Variants in SOAT2 observed in about 807,000 individuals in gnomAD.
SOAT2 encodes the protein ACAT-2.
Under a neutral mutation model 76.0 loss-of-function variants are expected in SOAT2, and 87 were observed. That is an observed-to-expected ratio of 1.14 (90% confidence interval 0.96 to 1.37). SOAT2 has a LOEUF of 1.37. SOAT2 is among the 40% of genes most tolerant of loss of function. The pLI is 0.00. For synonymous variants in SOAT2, 285 were observed against 275.4 expected (o/e 1.03, Z -0.34); for missense variants, 686 against 682.1 (o/e 1.01, Z -0.06).
At chr12:53,108,097 T>G (rs922293982) in intron 5 of SOAT2, among the ~76,000 whole-genome samples, 1 of 152,222 alleles carries the variant, frequency 6.6e-6, no homozygotes, top group Non-Finnish European at 1.5e-5. Context: ...CTTCGTTCCA[T>G]AGAAGGAATC....
At position 53,124,129 on chromosome 12, in the gene SOAT2, G is replaced by T. The variant is rs761265439; in HGVS notation, c.*6G>T. On this transcript the variant is annotated 3_prime_UTR_variant, in exon 15 of 15. Transcript: ENST00000301466. ...CTTGGTCCTGCCATACCTAGAGGTC[G>T]GGACAGACGACGCTACCTGCCCAGA... is the stretch of plus-strand genomic sequence containing the variant. 6.2e-7 allele frequency: 1 copy of T among 1,613,998 alleles called. No individual in the cohort carries two copies. The highest frequency in any genetic ancestry group is 8.5e-7 in the Non-Finnish European group (1 of 1,180,008).
chr12:53,121,441 A>C (rs1938187851), intron 12 of SOAT2, 40 bp downstream of exon 12: 1 of 1,501,824 alleles, frequency 6.7e-7, no homozygotes, highest in South Asian at 1.1e-5. Context: ...CACAGTTAAT[A>C]GGGGCTCTCC....
At position 53,103,557 on chromosome 12, in the gene SOAT2, C is replaced by T. The variant is rs772836324; in HGVS notation, c.-21C>T. The T allele has an allele frequency of 6.5e-7, 1 of 1,543,304 alleles. No individual in the cohort carries two copies. The highest frequency in any genetic ancestry group is 1.2e-5 in the South Asian group (1 of 84,012). ...AGGCAACACGGGCAAGGGCTGCCTGCTGCCCGCTGGAGACCGCACCATGGA... is the reference window on the plus strand; with the variant it reads ...AGGCAACACGGGCAAGGGCTGCCTGTTGCCCGCTGGAGACCGCACCATGGA... On this transcript the variant is annotated 5_prime_UTR_variant, in exon 1 of 15. Coordinates refer to ENST00000301466, the MANE Select transcript of SOAT2 (RefSeq NM_003578.4).
rs1210135890 is a variant in SOAT2 at position 53,103,558 on chromosome 12, T to C, written c.-20T>C. The C allele has an allele frequency of 1.9e-6, 3 of 1,543,874 alleles. No homozygotes were observed. Among genetic ancestry groups the C allele is most frequent in the Non-Finnish European group, 2.6e-6 (3 of 1,146,400 alleles). ...GGCAACACGGGCAAGGGCTGCCTGC[T>C]GCCCGCTGGAGACCGCACCATGGAG... On this transcript the variant is annotated 5_prime_UTR_variant, in exon 1 of 15. Coordinates refer to ENST00000301466, the MANE Select transcript of SOAT2 (RefSeq NM_003578.4).
chr12:53,118,202 C>T (rs944909867), intron 7 of SOAT2, 148 bp from the exon 8 acceptor site: 2 of 627,352 alleles, frequency 3.2e-6, no homozygotes, highest in Admixed American at 2.7e-5. Context: ...AGCCCGCATC[C>T]AGGTCCTACG....
rs1303838303 is a variant in SOAT2, at chr12:53,107,622, C to CTTTTTTTTTTTTTTTTTTTTT, written c.443+1626_443+1627insTTTTTTTTTTTTTTTTTTTTT. 6.2e-4 allele frequency among the ~76,000 whole-genome samples: 73 copies of CTTTTTTTTTTTTTTTTTTTTT among 117,002 alleles called. 16 individuals carry two copies. The highest frequency in any genetic ancestry group is 2.6e-3 in the African/African-American group (70 of 27,190). The allele number at this position is 117,002 out of a possible 152,430, so 76.8% of individuals were successfully genotyped here. A position where few individuals can be genotyped will look rare whatever the true frequency, so the allele number is the denominator to read the frequency against. Reference sequence around the variant, plus strand: ...AGACTAGAATTTAACAACAGATGTACTTTTTTTTTTTTTTTTTTGAGACAG... The same window carrying CTTTTTTTTTTTTTTTTTTTTT: ...AGACTAGAATTTAACAACAGATGTACTTTTTTTTTTTTTTTTTTTTTTTTTTTTTTTTTTTTTTTGAGACAG... On this transcript the variant is annotated intron_variant, in intron 5 of 14. Coordinates refer to ENST00000301466, the MANE Select transcript of SOAT2 (RefSeq NM_003578.4).
At chr12:53,113,077 C>A (rs1938048621) in intron 5 of SOAT2, among the ~76,000 whole-genome samples, 2 of 152,036 alleles carry the variant, frequency 1.3e-5, no homozygotes, top group Non-Finnish European at 2.9e-5. Flanking sequence ...CCAGCCAATA[C>A]CTCCTATTTT....
chr12:53,105,698 C>G (rs1288738448), intron 4 of SOAT2, 78 bp downstream of exon 4: 1 of 1,313,810 alleles, frequency 7.6e-7, no homozygotes, highest in South Asian at 1.3e-5. Flanking sequence ...ATTTCTCATC[C>G]CCAGCCTCTA....
chr12:53,117,889 A>G (rs1938130838), intron 7 of SOAT2, among the ~76,000 whole-genome samples: 1 of 152,224 alleles, frequency 6.6e-6, no homozygotes, highest in African/African-American at 2.4e-5. Context: ...AAAATGTGAC[A>G]CAGTGGCATG....
intron 5 of SOAT2, among the ~76,000 whole-genome samples, chr12:53,108,315 T>C (rs531896013): frequency 2.0e-5 from 3 of 152,350 alleles, no homozygotes; most frequent in Admixed American, 1.3e-4. Context: ...AAGGGCTTTA[T>C]TGGCTTCATA....
At chr12:53,118,206 T>G in intron 7 of SOAT2, 144 bp from the exon 8 acceptor site, 1 of 628,766 alleles carries the variant, frequency 1.6e-6, no homozygotes. Context: ...CGCATCCAGG[T>G]CCTACGTCCA....
At chr12:53,118,709 A>T (rs1458952580) in intron 8 of SOAT2, among the ~76,000 whole-genome samples, 181 bp from the exon 9 acceptor site, 1 of 151,726 alleles carries the variant, frequency 6.6e-6, no homozygotes, top group East Asian at 1.9e-4. Flanking sequence ...CATGCTTAAA[A>T]CCCACTTGTT....
intron 10 of SOAT2, 140 bp downstream of exon 10, chr12:53,119,393 C>A: frequency 1.1e-6 from 1 of 909,578 alleles, no homozygotes; most frequent in Admixed American, 2.6e-5. Context: ...CTATCAGGGC[C>A]ATTGCCATGG....
At chr12:53,120,913 C>A (rs1334133524) in intron 11 of SOAT2, 30 bp downstream of exon 11, 1 of 1,553,766 alleles carries the variant, frequency 6.4e-7, no homozygotes, top group South Asian at 1.1e-5. Flanking sequence ...CAGTTGGAAG[C>A]TGGAGATAGG....
intron 5 of SOAT2, among the ~76,000 whole-genome samples, chr12:53,107,428 C>T (rs991215599): frequency 6.6e-6 from 1 of 151,892 alleles, no homozygotes; most frequent in Non-Finnish European, 1.5e-5. Flanking sequence ...GTTTGCAGGG[C>T]TTTAAGAAAG....
At position 53,124,170 on chromosome 12, in the gene SOAT2, T is replaced by G; in HGVS notation, c.*47T>G. The G allele has an allele frequency of 6.2e-7, 1 of 1,607,630 alleles. No individual in the cohort carries two copies. Among genetic ancestry groups the G allele is most frequent in the Non-Finnish European group, 8.5e-7 (1 of 1,174,232 alleles). On this transcript the variant is annotated 3_prime_UTR_variant, in exon 15 of 15. Coordinates refer to ENST00000301466, the MANE Select transcript of SOAT2 (RefSeq NM_003578.4). ...CCTGCCCAGACACCACCAAGTTCTC[T>G]GCCTGCAAAACCTGGGACCAGGACT... is the stretch of plus-strand genomic sequence containing the variant.
rs771080176 is a variant in SOAT2 at position 53,118,898 on chromosome 12, A to G, written c.872A>G (p.Tyr291Cys). 3.7e-6 allele frequency: 6 copies of G among 1,614,006 alleles called. No homozygotes were observed. In the South Asian group the frequency reaches 4.4e-5, roughly 12 times the overall value. Residue 291 changes from tyrosine (Y) to cysteine (C), a missense_variant, in exon 9 of 15, where the codon TAT becomes TGT. Coordinates refer to ENST00000301466, the MANE Select transcript of SOAT2 (RefSeq NM_003578.4). ...CCCCATTGCCGCTGCAGGACGCCCTATGTCAGGTGGAATTATGTGGCCAAG... is the reference window on the plus strand; with the variant it reads ...CCCCATTGCCGCTGCAGGACGCCCTGTGTCAGGTGGAATTATGTGGCCAAG... ...IYRETYPRTP[Y>C]VRWNYVAKNF...
At chr12:53,105,354 C>A (rs1224075620) in intron 3 of SOAT2, 111 bp downstream of exon 3, 1 of 1,373,330 alleles carries the variant, frequency 7.3e-7, no homozygotes, top group East Asian at 2.5e-5. Context: ...CCAGCCTTCC[C>A]TCTTCCCCCC....
chr12:53,121,632 G>A (rs1298763495), intron 12 of SOAT2, among the ~76,000 whole-genome samples: 1 of 151,918 alleles, frequency 6.6e-6, no homozygotes, highest in Non-Finnish European at 1.5e-5. Flanking sequence ...TGTCCACAGG[G>A]CATTGTTTCC....
Sources: gnomAD v4.1 joint callset for allele counts (sites outside exome capture counted in the v4.1 genomes callset) on GRCh38, gnomAD v4.1.1 for gene constraint, MANE v1.5 for transcripts, NCBI Gene and HGNC (gene_info 2026-07-23, HGNC 2026-07-21) for gene names.